The following SIN3A variants were observed in gnomAD, a reference collection of about 807,000 sequenced individuals.
SIN3A encodes the protein SIN3 transcription regulator family member A.
Under a neutral mutation model 146.1 loss-of-function variants are expected in SIN3A, and 14 were observed. The observed-to-expected ratio is 0.10, with a 90% CI of 0.06 to 0.15. The LOEUF is 0.15. Ranked by LOEUF, SIN3A falls within the 10% of genes least tolerant of loss-of-function variation. The probability of loss-of-function intolerance (pLI) is 1.00; values close to 1 mark genes in which losing one functional copy is unlikely to be tolerated. For synonymous variants in SIN3A, 572 were observed against 572.0 expected (o/e 1.00, Z 0.00); for missense variants, 1,028 against 1,576.0 (o/e 0.65, Z 5.89).
chr15:75,410,747 G>T, intron 6 of SIN3A, among the ~76,000 whole-genome samples: 1 of 152,098 alleles, frequency 6.6e-6, no homozygotes, highest in East Asian at 1.9e-4. Flanking sequence ...TCATGGGACA[G>T]TGACTAACAA....
chr15:75,449,137 G>A (rs1027932986), intron 1 of SIN3A, among the ~76,000 whole-genome samples: 1 of 152,134 alleles, frequency 6.6e-6, no homozygotes, highest in Non-Finnish European at 1.5e-5. Context: ...TTCCTCAATG[G>A]TCAATCGTTC....
At chr15:75,450,185 A>C (rs1278130205) in intron 1 of SIN3A, among the ~76,000 whole-genome samples, 3 of 152,086 alleles carry the variant, frequency 2.0e-5, no homozygotes, top group Non-Finnish European at 2.9e-5. Context: ...GTTCTTAAAA[A>C]AAAAAAACAA....
At chr15:75,398,070 G>A (rs1463728721) in intron 12 of SIN3A, among the ~76,000 whole-genome samples, 6 of 152,060 alleles carry the variant, frequency 3.9e-5, no homozygotes, top group South Asian at 2.1e-4. Flanking sequence ...AGTGTGAGGC[G>A]GGAAAACTGG....
In SIN3A at chr15:75,389,645, C is replaced by T. The variant is rs766694727; in HGVS notation, c.3021+7G>A. 8.7e-6 allele frequency: 14 copies of T among 1,613,898 alleles called. 1 individual carries two copies. The Admixed American group carries it at 2.3e-4, about 27-fold the overall frequency. On this transcript the variant is annotated splice_region_variant and intron_variant, in intron 16 of 20. Transcript: ENST00000394947. ...CTTACTCACCCTAGCCTCCTCCATG[C>T]CCTCACCTGTCTGACAATGCTCTGG...
At chr15:75,430,056 TA>T (rs1033393194) in intron 2 of SIN3A, 130 bp downstream of exon 2, 87 of 696,906 alleles carry the variant, frequency 1.2e-4, no homozygotes, top group African/African-American at 9.2e-4. Context: ...AGTACACAGT[TA>T]TTTTTTTTTT....
At chr15:75,447,518 G>A (rs1191090601) in intron 1 of SIN3A, 1 of 152,112 alleles carries the variant, frequency 6.6e-6, no homozygotes, top group Non-Finnish European at 1.5e-5. Flanking sequence ...AGGTAATATG[G>A]TACATATACT....
intron 2 of SIN3A, among the ~76,000 whole-genome samples, chr15:75,427,838 G>C (rs1282213704): frequency 1.3e-5 from 2 of 151,818 alleles, no homozygotes; most frequent in Non-Finnish European, 2.9e-5. Context: ...AGGCATGGCA[G>C]CAGGTGCACG....
chr15:75,430,506 T>G (rs1487234825), intron 1 of SIN3A, 98 bp from the exon 2 acceptor site: 1 of 840,640 alleles, frequency 1.2e-6, no homozygotes, highest in Admixed American at 3.4e-5. Flanking sequence ...AAAGCTTGAC[T>G]CCCAGAACTG....
intron 18 of SIN3A, chr15:75,380,956 A>G: frequency 2.5e-6 from 1 of 395,364 alleles, no homozygotes. Context: ...ATGAGAAGTC[A>G]TAAACAGGTA....
chr15:75,423,848 T>C (rs562604340), intron 2 of SIN3A, among the ~76,000 whole-genome samples: 247 of 151,410 alleles, frequency 1.6e-3, no homozygotes, highest in Non-Finnish European at 2.6e-3. Flanking sequence ...CCAAAAAAAA[T>C]AGCTGGACGT....
At chr15:75,440,280 G>A (rs901404593) in intron 1 of SIN3A, among the ~76,000 whole-genome samples, 1 of 151,460 alleles carries the variant, frequency 6.6e-6, no homozygotes, top group South Asian at 2.1e-4. Flanking sequence ...ACCCAGGCTG[G>A]AGTGCAGTGG....
At chr15:75,413,126 CT>C (rs1390824270) in intron 4 of SIN3A, 81 bp from the exon 5 acceptor site, 3 of 1,389,896 alleles carry the variant, frequency 2.2e-6, no homozygotes, top group Non-Finnish European at 2.9e-6. Flanking sequence ...GTTTTTTTTT[CT>C]TTTGAGACGG....
chr15:75,375,201 ACT>A (rs776514243), intron 20 of SIN3A, among the ~76,000 whole-genome samples: 5 of 152,178 alleles, frequency 3.3e-5, no homozygotes, highest in African/African-American at 9.6e-5. Flanking sequence ...GTCAGGTGAG[ACT>A]CTGTCTCAAA....
At chr15:75,449,701 T>C (rs1033602668) in intron 1 of SIN3A, among the ~76,000 whole-genome samples, 1 of 152,244 alleles carries the variant, frequency 6.6e-6, no homozygotes, top group Non-Finnish European at 1.5e-5. Context: ...CTAGATGGTC[T>C]AACATAAGTA....
rs373090540 is a variant in SIN3A, at chr15:75,392,211, T to A, written c.2851+31A>T. 67 of 1,590,370 alleles carry A rather than the reference T, an allele frequency of 4.2e-5. 1 individual carries two copies. In the Admixed American group the frequency reaches 1.0e-3, roughly 25 times the overall value. On this transcript the variant is annotated intron_variant, in intron 15 of 20. Transcript: ENST00000394947. ...GCTCTAAGGTCCTCAACCTCACACA[T>A]CCTCTGTAAATCAGAGGTCTCGGCA...
At position 75,375,840 on chromosome 15, in the gene SIN3A, C is replaced by T; in HGVS notation, c.3416G>A (p.Gly1139Asp). The change falls in exon 20 of 21, where the codon GGT becomes GAT. Residue 1139 changes from glycine (G) to aspartate (D), a missense_variant. Physicochemically the swap from Gly to Asp is moderately conservative, Grantham distance 94 (BLOSUM62 -1). This residue lies in a region of SIN3A where 488 missense variants were observed against 690.2 expected (regional missense o/e 0.71). Coordinates refer to ENST00000394947, the MANE Select transcript of SIN3A (RefSeq NM_001145358.2). ...CCCTTCCTTTTCCTGCTGCTCTCGACCACGTTGACACTTCCGGATCCGCCG... is the reference window on the plus strand; with the variant it reads ...CCCTTCCTTTTCCTGCTGCTCTCGATCACGTTGACACTTCCGGATCCGCCG... The part of the protein sequence containing the change: ...NLRRIRKCQR[G>D]REQQEKEGKE... 2.5e-6 allele frequency: 4 copies of T among 1,614,148 alleles called. No individual in the cohort carries two copies. Among genetic ancestry groups the T allele is most frequent in the Non-Finnish European group, 3.4e-6 (4 of 1,180,044 alleles).
Position 75,371,628 on chromosome 15 carries a change from C to T in SIN3A, c.*351G>A. On this transcript the variant is annotated 3_prime_UTR_variant, in exon 21 of 21. Transcript: ENST00000394947. ...CATCCAGTCAAAGTGTGAACAGCAT[C>T]CGGTTCCCTCATTGAAAGTTAGGCC... The T allele has an allele frequency of 4.2e-6, 1 of 238,418 alleles. No homozygotes were observed. Among genetic ancestry groups the T allele is most frequent in the East Asian group, 9.2e-5 (1 of 10,926 alleles). 14.8% of individuals were successfully genotyped at this position (238,418 alleles called of 1,614,324 possible).
intron 17 of SIN3A, among the ~76,000 whole-genome samples, chr15:75,383,332 T>G (rs1595889670): frequency 6.6e-6 from 1 of 151,524 alleles, no homozygotes; most frequent in African/African-American, 2.4e-5. Context: ...TCAAAATATA[T>G]ACTCAAGCAT....
intron 1 of SIN3A, among the ~76,000 whole-genome samples, chr15:75,432,028 G>A (rs1342308823): frequency 1.3e-5 from 2 of 152,180 alleles, no homozygotes; most frequent in Admixed American, 1.3e-4. Context: ...TCAGTTAAAT[G>A]GAGTTGAGAA....
Sources: allele counts gnomAD v4.1 joint callset (sites outside exome capture counted in the v4.1 genomes callset), GRCh38; gene constraint gnomAD v4.1.1; regional missense constraint gnomAD v4.1.1; transcripts MANE v1.5; gene names NCBI Gene and HGNC (gene_info 2026-07-23, HGNC 2026-07-21).